Variants in VAT1L observed in about 807,000 individuals in gnomAD.
The protein encoded by VAT1L is vesicle amine transport 1 like.
Under a neutral mutation model 44.1 loss-of-function variants are expected in VAT1L, and 34 were observed. The ratio of observed to expected loss-of-function variants is 0.77; its 90% CI spans 0.59 to 1.03. The LOEUF (loss-of-function observed/expected upper bound fraction) is 1.03, where lower values mean the gene tolerates loss of function less well. VAT1L is among the 50% of genes least tolerant of loss of function. VAT1L has a pLI of 0.00. For missense variants in VAT1L, 615 were observed against 538.8 expected (o/e 1.14, Z -1.40); for synonymous variants, 253 against 202.2 (o/e 1.25, Z -2.13).
At chr16:77,941,180 A>T (rs1369328114) in intron 7 of VAT1L, among the ~76,000 whole-genome samples, 1 of 152,174 alleles carries the variant, frequency 6.6e-6, no homozygotes, top group Non-Finnish European at 1.5e-5. Flanking sequence ...TACCTGGAAT[A>T]AGCAAAAGTC....
intron 7 of VAT1L, among the ~76,000 whole-genome samples, chr16:77,890,460 C>A (rs1029238432): frequency 1.8e-4 from 27 of 152,212 alleles, no homozygotes; most frequent in Non-Finnish European, 2.5e-4. Context: ...GACACCATTT[C>A]ATCTTCTCCT....
rs1030351311 is a variant in VAT1L at position 77,884,922 on chromosome 16, G to A, written c.1077+120G>A. 5.2e-6 allele frequency: 6 copies of A among 1,151,238 alleles called. No individual in the cohort carries two copies. The highest frequency in any genetic ancestry group is 5.9e-6 in the Non-Finnish European group (5 of 851,714). The allele number at this position is 1,151,238 out of a possible 1,614,324, so 71.3% of individuals were successfully genotyped here. On this transcript the variant is annotated intron_variant, in intron 7 of 8. Transcript: ENST00000302536. The surrounding 1 kb of genome is among the most constrained non-coding windows in gnomAD (Gnocchi z 4.5). Reference sequence around the variant, plus strand: ...TCCCAGATGGGTTTGTTTTAAATGAGGGTCCTAAAAGTCACCTGTACCACA... The same window carrying A: ...TCCCAGATGGGTTTGTTTTAAATGAAGGTCCTAAAAGTCACCTGTACCACA...
At chr16:77,907,116 A>G (rs912441423) in intron 7 of VAT1L, among the ~76,000 whole-genome samples, 3 of 152,224 alleles carry the variant, frequency 2.0e-5, no homozygotes, top group Non-Finnish European at 4.4e-5. Context: ...CCTGCTGTGT[A>G]GCATTGGCCA....
At chr16:77,863,030 A>C in intron 4 of VAT1L, 140 bp downstream of exon 4, 1 of 1,026,246 alleles carries the variant, frequency 9.7e-7, no homozygotes. Flanking sequence ...CTCTGTGCCA[A>C]ATATTTCACA....
chr16:77,862,876 G>C lies in VAT1L; in HGVS notation c.708G>C (p.Val236=). The C allele has an allele frequency of 6.2e-7, 1 of 1,613,982 alleles. No individual in the cohort carries two copies. The highest frequency in any genetic ancestry group is 8.5e-7 in the Non-Finnish European group (1 of 1,179,954). The change falls in exon 4 of 9, where the codon GTG becomes GTC. Residue 236 remains valine, a synonymous_variant. Transcript: ENST00000302536. ...THLFDRNADY[V]QEVKRISAEG... ...TCTTTGACAGAAATGCAGACTACGT[G>C]CAAGAAGTTAAAAGGTAAGATGTTT...
chr16:77,884,585 C>G lies in VAT1L; in HGVS notation c.883-23C>G. 1.2e-6 allele frequency: 2 copies of G among 1,607,176 alleles called. No individual in the cohort carries two copies. Among genetic ancestry groups the G allele is most frequent in the South Asian group, 2.2e-5 (2 of 89,642 alleles). The stretch of plus-strand genomic sequence containing the variant: ...TAACCCCGGTATTGAGTTCCTATAA[C>G]CCAATACCACCTCTCTTTGCAGTGG... On this transcript the variant is annotated intron_variant, in intron 6 of 8. Coordinates refer to ENST00000302536, the MANE Select transcript of VAT1L (RefSeq NM_020927.3). The surrounding 1 kb of genome is among the most constrained non-coding windows in gnomAD (Gnocchi z 4.5).
At chr16:77,921,037 G>C (rs1402562425) in intron 7 of VAT1L, among the ~76,000 whole-genome samples, 1 of 152,028 alleles carries the variant, frequency 6.6e-6, no homozygotes, top group Non-Finnish European at 1.5e-5. Context: ...CATTTCATTA[G>C]ATCAGCAGTG....
intron 7 of VAT1L, among the ~76,000 whole-genome samples, chr16:77,904,380 A>G (rs1247169231): frequency 6.6e-6 from 1 of 152,134 alleles, no homozygotes; most frequent in Non-Finnish European, 1.5e-5. Context: ...AGTGGCTTAA[A>G]CAATAGAGAT....
At chr16:77,836,241 T>C (rs1269376151) in intron 3 of VAT1L, among the ~76,000 whole-genome samples, 2 of 152,234 alleles carry the variant, frequency 1.3e-5, no homozygotes. Flanking sequence ...CTCTTGACAC[T>C]ATACCACACA....
chr16:77,907,005 G>T (rs2017444399), intron 7 of VAT1L, among the ~76,000 whole-genome samples: 2 of 152,210 alleles, frequency 1.3e-5, no homozygotes, highest in Non-Finnish European at 2.9e-5. Flanking sequence ...GTTACATCTT[G>T]CAGGAGGCAG....
At chr16:77,947,845 T>G (rs2017989278) in intron 7 of VAT1L, among the ~76,000 whole-genome samples, 1 of 152,188 alleles carries the variant, frequency 6.6e-6, no homozygotes, top group Non-Finnish European at 1.5e-5. Context: ...CCACAACCTC[T>G]GCCTCCCAGA....
intron 1 of VAT1L, among the ~76,000 whole-genome samples, chr16:77,813,323 A>C (rs2016297020): frequency 6.6e-6 from 1 of 152,200 alleles, no homozygotes; most frequent in African/African-American, 2.4e-5. Context: ...TAGAGTCAAC[A>C]ATGTCTGTCC....
At chr16:77,834,305 G>A (rs1241494381) in intron 3 of VAT1L, among the ~76,000 whole-genome samples, 1 of 152,158 alleles carries the variant, frequency 6.6e-6, no homozygotes, top group East Asian at 1.9e-4. Context: ...TTCTATAGAA[G>A]CTTTGTAGTC....
intron 3 of VAT1L, among the ~76,000 whole-genome samples, chr16:77,853,626 A>G (rs1288714181): frequency 6.6e-6 from 1 of 152,100 alleles, no homozygotes; most frequent in East Asian, 1.9e-4. Context: ...GGGCCTGTTC[A>G]AACTCAGGCT....
intron 3 of VAT1L, among the ~76,000 whole-genome samples, chr16:77,840,435 T>C (rs570101465): frequency 6.6e-6 from 1 of 152,314 alleles, no homozygotes; most frequent in South Asian, 2.1e-4. Flanking sequence ...ATAAAGCTAG[T>C]AGTTAGAGTA....
At chr16:77,963,155 GAAT>G (rs752754532) in intron 7 of VAT1L, among the ~76,000 whole-genome samples, 5 of 152,186 alleles carry the variant, frequency 3.3e-5, no homozygotes, top group Non-Finnish European at 5.9e-5. Context: ...GGGCCGAGCA[GAAT>G]AATACCACGC....
intron 1 of VAT1L, among the ~76,000 whole-genome samples, chr16:77,793,183 T>C (rs1203426945): frequency 3.3e-5 from 5 of 152,182 alleles, no homozygotes; most frequent in African/African-American, 7.2e-5. Flanking sequence ...GTGATCATGG[T>C]TCACTGCCAC....
At chr16:77,939,480 T>G (rs1291532773) in intron 7 of VAT1L, among the ~76,000 whole-genome samples, 1 of 152,180 alleles carries the variant, frequency 6.6e-6, no homozygotes, top group Non-Finnish European at 1.5e-5. Flanking sequence ...CCTTTAGAGA[T>G]CTGTTGTTAC....
intron 7 of VAT1L, among the ~76,000 whole-genome samples, chr16:77,897,492 C>T (rs2017336492): frequency 6.6e-6 from 1 of 152,122 alleles, no homozygotes; most frequent in South Asian, 2.1e-4. Flanking sequence ...GTGTTTGAGA[C>T]AGAGTTTCAC....
Sources: gnomAD v4.1 joint callset for allele counts (sites outside exome capture counted in the v4.1 genomes callset) on GRCh38, gnomAD v4.1.1 for gene constraint, Gnocchi (gnomAD v3.1) non-coding constraint, MANE v1.5 for transcripts, NCBI Gene and HGNC (gene_info 2026-07-23, HGNC 2026-07-21) for gene names.